AGBL1: variants seen among roughly 807,000 people sequenced by gnomAD.
AGBL1 encodes the protein cytosolic carboxypeptidase 4.
Under a neutral mutation model 118.9 loss-of-function variants are expected in AGBL1, and 130 were observed. The ratio of observed to expected loss-of-function variants is 1.09; its 90% CI spans 0.95 to 1.26. The LOEUF is 1.26. Ranked by LOEUF, AGBL1 falls within the 50% of genes most tolerant of loss-of-function variation. The pLI, the probability that AGBL1 is intolerant of heterozygous loss-of-function variation, is 0.00. For synonymous variants in AGBL1, 555 were observed against 478.9 expected, an observed-to-expected ratio of 1.16 and a Z score of -2.08; for missense variants, 1,584 against 1,298.1, an observed-to-expected ratio of 1.22 and a Z score of -3.38.
intron 22 of AGBL1, among the ~76,000 whole-genome samples, chr15:86,707,327 G>C (rs2086468541): frequency 6.6e-6 from 1 of 152,116 alleles, no homozygotes; most frequent in Admixed American, 6.6e-5. Context: ...ATGGTGTCAT[G>C]GGAATGATTT....
chr15:86,850,348 C>T (rs2079389797), intron 22 of AGBL1, among the ~76,000 whole-genome samples: 2 of 152,178 alleles, frequency 1.3e-5, no homozygotes, highest in South Asian at 4.1e-4. Context: ...TACCAATATG[C>T]ATTGCTTTAT....
chr15:86,329,757 C>T (rs575228222), intron 17 of AGBL1, among the ~76,000 whole-genome samples: 18 of 150,540 alleles, frequency 1.2e-4, no homozygotes, highest in African/African-American at 2.4e-4. Flanking sequence ...TGGGTAAATG[C>T]GGGCCCTCTA....
chr15:86,471,496 T>C (rs1237325576), intron 18 of AGBL1, among the ~76,000 whole-genome samples: 1 of 97,718 alleles, frequency 1.0e-5, no homozygotes, highest in Non-Finnish European at 2.1e-5. Flanking sequence ...TATTGGCCTA[T>C]AGTTTTTTTT....
At chr15:86,596,714 C>T (rs1456848805) in intron 21 of AGBL1, among the ~76,000 whole-genome samples, 1 of 152,134 alleles carries the variant, frequency 6.6e-6, no homozygotes, top group Non-Finnish European at 1.5e-5. Flanking sequence ...AATATCTTAC[C>T]TTCACCTTCA....
At chr15:86,816,139 G>C (rs1004262113) in intron 22 of AGBL1, among the ~76,000 whole-genome samples, 3 of 152,208 alleles carry the variant, frequency 2.0e-5, no homozygotes, top group Non-Finnish European at 2.9e-5. Flanking sequence ...GAATTAAAGA[G>C]AGGACACATT....
intron 3 of AGBL1, among the ~76,000 whole-genome samples, chr15:86,145,510 C>T (rs1231927388): frequency 6.6e-6 from 1 of 152,150 alleles, no homozygotes; most frequent in African/African-American, 2.4e-5. Context: ...AGCTCAGATC[C>T]TCTGAAAAGT....
chr15:86,533,703 G>A (rs1271138264), intron 19 of AGBL1, among the ~76,000 whole-genome samples: 138 of 122,656 alleles, frequency 1.1e-3, no homozygotes, highest in African/African-American at 5.1e-3. Flanking sequence ...CAAAGACTTG[G>A]AACCAACCCA....
At chr15:86,805,334 T>C (rs1371421876) in intron 22 of AGBL1, among the ~76,000 whole-genome samples, 1 of 152,136 alleles carries the variant, frequency 6.6e-6, no homozygotes, top group Non-Finnish European at 1.5e-5. Flanking sequence ...CCTCTGTGAA[T>C]TGTTCCAGCA....
chr15:86,511,765 G>A (rs1406202107), intron 18 of AGBL1, among the ~76,000 whole-genome samples: 1 of 151,910 alleles, frequency 6.6e-6, no homozygotes, highest in Non-Finnish European at 1.5e-5. Flanking sequence ...GTGATTGGGA[G>A]GAAGAACAGC....
intron 18 of AGBL1, among the ~76,000 whole-genome samples, chr15:86,409,220 A>G (rs1204875743): frequency 1.3e-5 from 2 of 152,190 alleles, no homozygotes; most frequent in African/African-American, 2.4e-5. Context: ...CAACCGTCCA[A>G]ACCTCTGTCC....
At chr15:86,376,292 C>T (rs1013524153) in intron 17 of AGBL1, among the ~76,000 whole-genome samples, 5 of 152,182 alleles carry the variant, frequency 3.3e-5, no homozygotes, top group Admixed American at 6.5e-5. Context: ...CAAAACTGCC[C>T]TCACTCTGTA....
At chr15:86,714,516 G>A (rs1228258823) in intron 22 of AGBL1, among the ~76,000 whole-genome samples, 2 of 152,174 alleles carry the variant, frequency 1.3e-5, no homozygotes, top group East Asian at 3.9e-4. Context: ...AGGAGCCTGA[G>A]TGGTATGAGA....
At chr15:86,345,649 T>G (rs2080525251) in intron 17 of AGBL1, among the ~76,000 whole-genome samples, 1 of 152,160 alleles carries the variant, frequency 6.6e-6, no homozygotes, top group South Asian at 2.1e-4. Context: ...AATCTCTAAC[T>G]TTTTCTAAAA....
chr15:86,844,401 T>C lies in AGBL1; in HGVS notation c.3159-62686T>C, dbSNP rs368094350. Among the ~76,000 whole-genome samples the C allele has an allele frequency of 2.0e-3, 310 of 152,294 alleles. 1 individual carries two copies. Among genetic ancestry groups the C allele is most frequent in the Admixed American group, 3.6e-3 (55 of 15,290 alleles). ...TCATTGTCTATCTTTACTATAGCTATTCTAGTGAGTTGTATAGTGGTATCA... is the reference window on the plus strand; with the variant it reads ...TCATTGTCTATCTTTACTATAGCTACTCTAGTGAGTTGTATAGTGGTATCA... On this transcript the variant is annotated intron_variant, in intron 22 of 22. Coordinates refer to ENST00000614907, the MANE Select transcript of AGBL1 (RefSeq NM_001386094.1).
intron 18 of AGBL1, among the ~76,000 whole-genome samples, chr15:86,462,973 C>A (rs2082352559): frequency 6.6e-6 from 1 of 152,142 alleles, no homozygotes; most frequent in South Asian, 2.1e-4. Flanking sequence ...ATTGCTGGGT[C>A]AAATGGTATT....
In AGBL1 at chr15:86,522,841, A is replaced by G. The variant is rs759776040; in HGVS notation, c.2587A>G (p.Asn863Asp). 12 of 1,613,712 alleles carry G rather than the reference A, an allele frequency of 7.4e-6. No homozygotes were observed. In the South Asian group the frequency reaches 1.3e-4, roughly 18 times the overall value. ...ATGCTCACTGAGCGGGGAAGATTTG[A>G]ACAGACAATGGCTTTCTCCCAGTGC... ...HRCSLSGEDL[N>D]RQWLSPSAHL... The change falls in exon 19 of 23, where the codon AAC (asparagine) becomes GAC (aspartate). Residue 863 changes from asparagine to aspartate, a missense_variant. By Grantham distance (23) the Asn-to-Asp change is conservative. Transcript: ENST00000614907.
At chr15:86,946,656 T>C (rs962210654) in intron 23 of AGBL1, among the ~76,000 whole-genome samples, 1 of 151,878 alleles carries the variant, frequency 6.6e-6, no homozygotes, top group Non-Finnish European at 1.5e-5. Context: ...GAGACCAGCC[T>C]GACCAACATG....
At chr15:86,739,314 A>C (rs1313252634) in intron 22 of AGBL1, among the ~76,000 whole-genome samples, 1 of 151,986 alleles carries the variant, frequency 6.6e-6, no homozygotes, top group African/African-American at 2.4e-5. Context: ...TTGGTGGCAC[A>C]TGCCTGTAAT....
At chr15:86,653,831 C>T (rs2085418136) in intron 21 of AGBL1, among the ~76,000 whole-genome samples, 1 of 152,138 alleles carries the variant, frequency 6.6e-6, no homozygotes, top group South Asian at 2.1e-4. Context: ...GCCAATGTCT[C>T]ATACTCCCAG....
Sources: allele counts gnomAD v4.1 joint callset (sites outside exome capture counted in the v4.1 genomes callset), GRCh38; gene constraint gnomAD v4.1.1; transcripts MANE v1.5; gene names NCBI Gene and HGNC (gene_info 2026-07-23, HGNC 2026-07-21).